The following TAF1B variants were observed in gnomAD, a reference collection of about 807,000 sequenced individuals.
TAF1B encodes TATA box-binding protein-associated factor RNA polymerase I subunit B.
Under a neutral mutation model 83.9 loss-of-function variants are expected in TAF1B, and 61 were observed. The ratio of observed to expected loss-of-function variants is 0.73; its 90% CI spans 0.59 to 0.90. TAF1B has a LOEUF of 0.90. TAF1B is among the 40% of genes least tolerant of loss of function. TAF1B has a pLI of 0.00. For missense variants in TAF1B, 625 were observed against 677.0 expected (o/e 0.92, Z 0.85); for synonymous variants, 221 against 224.6 (o/e 0.98, Z 0.14).
chr2:9,928,124 G>C (rs77317723), intron 14 of TAF1B, among the ~76,000 whole-genome samples: 126,015 of 152,144 alleles, frequency 0.83, 52,611 homozygotes, highest in Middle Eastern at 0.91. Context: ...ATAGGGAATC[G>C]TTTCCCCACT....
At position 9,907,074 on chromosome 2, in the gene TAF1B, G is replaced by GAAC. The variant is rs560290795; in HGVS notation, c.955+2069_955+2070insACA. 7.8e-3 allele frequency among the ~76,000 whole-genome samples: 1,193 copies of GAAC among 152,046 alleles called. 16 individuals are homozygous for GAAC. Among genetic ancestry groups the GAAC allele is most frequent in the African/African-American group, 0.027 (1,120 of 41,480 alleles). Reference sequence around the variant, plus strand: ...TTTTATTGTTATTATTTTTAATAGAGATGAGGTCTTGCCATGTTCTCCAGG... The same window carrying GAAC: ...TTTTATTGTTATTATTTTTAATAGAGAACATGAGGTCTTGCCATGTTCTCCAGG... On this transcript the variant is annotated intron_variant, in intron 9 of 14. Transcript: ENST00000263663.
rs550168530 is a variant in TAF1B at position 9,854,533 on chromosome 2, A to T, written c.399+112A>T. 2.7e-5 allele frequency: 20 copies of T among 736,574 alleles called. 1 individual carries two copies. In the South Asian group the frequency reaches 3.4e-4, roughly 12 times the overall value. 45.6% of individuals were successfully genotyped at this position (736,574 alleles called of 1,614,324 possible). ...CTGAGATTATGATGCTTGTCAGAGG[A>T]TTTTCAGTTAAGAGGCTTCTGTTAC... On this transcript the variant is annotated intron_variant, in intron 5 of 14. Transcript: ENST00000263663.
chr2:9,862,329 G>A (rs1225465676), intron 5 of TAF1B, among the ~76,000 whole-genome samples: 2 of 152,160 alleles, frequency 1.3e-5, no homozygotes, highest in Non-Finnish European at 2.9e-5. Context: ...GCAATCAACT[G>A]GAAGAAAGTG....
chr2:9,916,694 A>G (rs1397063017), intron 12 of TAF1B, among the ~76,000 whole-genome samples: 1 of 152,212 alleles, frequency 6.6e-6, no homozygotes, highest in African/African-American at 2.4e-5. Context: ...CCATAACATT[A>G]AATGACAAAC....
chr2:9,895,813 C>CTTTTTT (rs34044860), intron 8 of TAF1B, among the ~76,000 whole-genome samples: 4 of 112,458 alleles, frequency 3.6e-5, no homozygotes, highest in Non-Finnish European at 3.5e-5. Context: ...GCACTGCACT[C>CTTTTTT]TTTTTTTTTT....
intron 14 of TAF1B, among the ~76,000 whole-genome samples, chr2:9,929,373 C>T (rs369213357): frequency 3.3e-4 from 50 of 152,038 alleles, no homozygotes; most frequent in East Asian, 5.8e-4. Context: ...TTAGCCAAGA[C>T]GGTCTCAATC....
intron 3 of TAF1B, among the ~76,000 whole-genome samples, 197 bp downstream of exon 3, chr2:9,849,657 T>C (rs1048655602): frequency 6.6e-6 from 1 of 152,226 alleles, no homozygotes; most frequent in African/African-American, 2.4e-5. Flanking sequence ...AAAAAATGCT[T>C]ATTTTCTGAA....
At position 9,919,084 on chromosome 2, in the gene TAF1B, G is replaced by A. The variant is rs770713103; in HGVS notation, c.1315G>A (p.Asp439Asn). Residue 439 changes from aspartate to asparagine, a missense_variant, in exon 13 of 15, where the codon GAC becomes AAC. Asp to Asn is a conservative substitution (Grantham distance 23). Transcript: ENST00000263663. Reference sequence around the variant, plus strand: ...AAAGCCACTCTACTACTCATTTGTCGACAAACCAGTAGCATATAAAAAAAG... The same window carrying A: ...AAAGCCACTCTACTACTCATTTGTCAACAAACCAGTAGCATATAAAAAAAG... ...SEKPLYYSFVDKPVAYKKREM... is the reference protein window; with the variant it reads ...SEKPLYYSFVNKPVAYKKREM... 2.5e-5 allele frequency: 41 copies of A among 1,613,876 alleles called. No homozygotes were observed. The Admixed American group carries it at 6.0e-4, about 24-fold the overall frequency.
chr2:9,896,206 G>GCTTCCCTCCCTTC (rs1455786371), intron 8 of TAF1B, among the ~76,000 whole-genome samples: 1 of 152,046 alleles, frequency 6.6e-6, no homozygotes, highest in African/African-American at 2.4e-5. Context: ...CTCCCTCCCT[G>GCTTCCCTCCCTTC]CTTCCCTCCC....
chr2:9,871,282 T>C (rs531710942), intron 6 of TAF1B, among the ~76,000 whole-genome samples: 21 of 151,994 alleles, frequency 1.4e-4, no homozygotes, highest in African/African-American at 5.1e-4. Context: ...CGGGGTTTCA[T>C]CGTGTTAGCC....
chr2:9,868,299 T>C lies in TAF1B; in HGVS notation c.423T>C (p.His141=), dbSNP rs752674845. Residue 141 remains histidine (H), a synonymous_variant, in exon 6 of 15, where the codon CAT becomes CAC. Transcript: ENST00000263663. ...KPTVLEDNLS[H]SDWASEPELL... is the part of the protein sequence containing the mutation. Reference sequence around the variant, plus strand: ...AGGTATTAGAAGATAATCTAAGTCATTCAGACTGGGCTAGTGAGCCTGAGC... The same window carrying C: ...AGGTATTAGAAGATAATCTAAGTCACTCAGACTGGGCTAGTGAGCCTGAGC... 6.2e-7 allele frequency: 1 copy of C among 1,614,004 alleles called. No homozygotes were observed. Among genetic ancestry groups the C allele is most frequent in the Non-Finnish European group, 8.5e-7 (1 of 1,179,924 alleles).
At position 9,910,744 on chromosome 2, in the gene TAF1B, C is replaced by G. The variant is rs1314642871; in HGVS notation, c.964C>G (p.His322Asp). The G allele has an allele frequency of 5.6e-6, 9 of 1,609,694 alleles. No homozygotes were observed. Among genetic ancestry groups the G allele is most frequent in the Non-Finnish European group, 7.6e-6 (9 of 1,177,424 alleles). Reference sequence around the variant, plus strand: ...ACTGTTTTGTTCTTCAGATGAAATGCATAGCTTAACTTGCCACGTGGTAAA... The same window carrying G: ...ACTGTTTTGTTCTTCAGATGAAATGGATAGCTTAACTTGCCACGTGGTAAA... ...LMEVNLPDEM[H>D]SLTCHVVKMT... is the part of the protein sequence containing the mutation. Residue 322 changes from histidine to aspartate, a missense_variant, in exon 10 of 15, where the codon CAT (histidine) becomes GAT (aspartate). By Grantham distance (81) the His-to-Asp change is moderately conservative. Coordinates refer to ENST00000263663, the MANE Select transcript of TAF1B (RefSeq NM_005680.3).
chr2:9,902,735 C>T (rs539005115), intron 8 of TAF1B, among the ~76,000 whole-genome samples: 12 of 152,256 alleles, frequency 7.9e-5, no homozygotes, highest in Middle Eastern at 3.4e-3. Context: ...GGCATGCATA[C>T]GCATTTCTGC....
intron 2 of TAF1B, among the ~76,000 whole-genome samples, chr2:9,847,004 G>A (rs1272209615): frequency 1.3e-5 from 2 of 152,188 alleles, no homozygotes; most frequent in East Asian, 3.8e-4. Context: ...TGGAGTATTT[G>A]CCATTAGTAG....
At chr2:9,930,188 C>G (rs1309416753) in intron 14 of TAF1B, among the ~76,000 whole-genome samples, 1 of 151,992 alleles carries the variant, frequency 6.6e-6, no homozygotes, top group Non-Finnish European at 1.5e-5. Flanking sequence ...CAGTTCTCCT[C>G]TGATCTTAGT....
chr2:9,851,530 T>A lies in TAF1B; in HGVS notation c.206-11T>A. ...GAATGTATATGCTAAAACATGCTAT[T>A]TGTCATTTAGAAAAAGGCTGGGATT... is the stretch of plus-strand genomic sequence containing the variant. On this transcript the variant is annotated splice_polypyrimidine_tract_variant and intron_variant, in intron 3 of 14. Transcript: ENST00000263663. 1 of 1,589,468 alleles carries A rather than the reference T, an allele frequency of 6.3e-7. No homozygotes were observed. The highest frequency in any genetic ancestry group is 8.6e-7 in the Non-Finnish European group (1 of 1,169,000).
rs6753474 is a variant in TAF1B at position 9,919,083 on chromosome 2, C to T, written c.1314C>T (p.Val438=). The change falls in exon 13 of 15, where the codon GTC becomes GTT. Residue 438 remains valine, a synonymous_variant. Transcript: ENST00000263663. ...AAAAGCCACTCTACTACTCATTTGTCGACAAACCAGTAGCATATAAAAAAA... is the reference window on the plus strand; with the variant it reads ...AAAAGCCACTCTACTACTCATTTGTTGACAAACCAGTAGCATATAAAAAAA... ...KSEKPLYYSF[V]DKPVAYKKRE... The T allele has an allele frequency of 2.7e-3, 4,349 of 1,613,972 alleles. 90 individuals carry two copies. In the African/African-American group the frequency reaches 0.049, roughly 18 times the overall value.
chr2:9,894,695 A>C (rs1558254548), intron 8 of TAF1B, among the ~76,000 whole-genome samples: 1 of 152,128 alleles, frequency 6.6e-6, no homozygotes, highest in Non-Finnish European at 1.5e-5. Context: ...TACCCAGTAT[A>C]CCTGGGGCTT....
intron 14 of TAF1B, 88 bp from the exon 15 acceptor site, chr2:9,933,695 A>T (rs1280439692): frequency 9.2e-7 from 1 of 1,083,066 alleles, no homozygotes; most frequent in Non-Finnish European, 1.3e-6. Flanking sequence ...TATATTTGCT[A>T]AGTTATTTGG....
Sources: gnomAD v4.1 joint callset for allele counts (sites outside exome capture counted in the v4.1 genomes callset) on GRCh38, gnomAD v4.1.1 for gene constraint, MANE v1.5 for transcripts, NCBI Gene and HGNC (gene_info 2026-07-23, HGNC 2026-07-21) for gene names.